The following POLR1A variants were observed in gnomAD, a reference collection of about 807,000 sequenced individuals.
POLR1A encodes RNA polymerase I subunit A, also known as DNA-directed RNA polymerase I subunit RPA1.
In POLR1A, 84 loss-of-function variants were observed where a neutral mutation model predicts 205.3. That is an observed-to-expected ratio of 0.41 (90% CI 0.34 to 0.49). POLR1A has a LOEUF of 0.49. Ranked by LOEUF, POLR1A falls within the 20% of genes least tolerant of loss-of-function variation. The pLI is 0.22. For synonymous variants in POLR1A, 799 were observed against 863.7 expected, an observed-to-expected ratio of 0.93 and a Z score of 1.31; for missense variants, 1,645 against 2,204.5, an observed-to-expected ratio of 0.75 and a Z score of 5.08.
At chr2:86,071,004 C>A (rs1673168379) in intron 12 of POLR1A, among the ~76,000 whole-genome samples, 2 of 151,826 alleles carry the variant, frequency 1.3e-5, no homozygotes. Flanking sequence ...TTTACAGCGG[C>A]AAAAACTAGA....
At chr2:86,080,442 C>T (rs1673378596) in intron 9 of POLR1A, among the ~76,000 whole-genome samples, 1 of 152,170 alleles carries the variant, frequency 6.6e-6, no homozygotes, top group Admixed American at 6.5e-5. Flanking sequence ...CTCTTAAAGC[C>T]TGAGGGAAGT....
chr2:86,084,365 C>T (rs1420843874), intron 6 of POLR1A, among the ~76,000 whole-genome samples: 2 of 151,064 alleles, frequency 1.3e-5, no homozygotes, highest in South Asian at 2.1e-4. Flanking sequence ...TGTAGGGAGC[C>T]GAGATCGTAT....
intron 18 of POLR1A, 36 bp from the exon 19 acceptor site, chr2:86,047,299 A>C (rs753652290): frequency 4.3e-6 from 6 of 1,407,656 alleles, no homozygotes; most frequent in Non-Finnish European, 6.0e-6. Flanking sequence ...CAGTGACTTC[A>C]CCTTCTTTAA....
intron 26 of POLR1A, 110 bp downstream of exon 26, chr2:86,039,217 G>A: frequency 1.7e-6 from 2 of 1,202,292 alleles, no homozygotes; most frequent in South Asian, 2.8e-5. Flanking sequence ...CTCATTGGTG[G>A]GAATCTGAGC....
At chr2:86,076,732 T>C (rs1245813219) in intron 11 of POLR1A, among the ~76,000 whole-genome samples, 11 of 152,102 alleles carry the variant, frequency 7.2e-5, no homozygotes, top group Non-Finnish European at 1.2e-4. Flanking sequence ...ACCTAGAAGA[T>C]AGAAAAGGCA....
Position 86,027,916 on chromosome 2 carries a change from G to A in POLR1A, c.5031C>T (p.Ser1677=). Residue 1677 remains serine (S), a synonymous_variant, in exon 33 of 34, where the codon AGC becomes AGT. Coordinates refer to ENST00000263857, the MANE Select transcript of POLR1A (RefSeq NM_015425.6). ...TGGTGGCTTGCTTCAGAAACTGGAA[G>A]CTGGTTTCAAATGTCATCTGCTGTA... ...SPLQQMTFET[S]FQFLKQATML... The A allele has an allele frequency of 6.2e-7, 1 of 1,614,258 alleles. No homozygotes were observed. Among genetic ancestry groups the A allele is most frequent in the Non-Finnish European group, 8.5e-7 (1 of 1,180,052 alleles).
At chr2:86,035,823 T>C (rs1672483976) in intron 27 of POLR1A, among the ~76,000 whole-genome samples, 1 of 152,218 alleles carries the variant, frequency 6.6e-6, no homozygotes, top group Admixed American at 6.5e-5. Flanking sequence ...CAGTTGGGGA[T>C]GCCTTCTGCC....
chr2:86,068,396 G>C lies in POLR1A; in HGVS notation c.1866+1622C>G, dbSNP rs1055985633. Among the ~76,000 whole-genome samples the C allele has an allele frequency of 2.4e-4, 27 of 112,792 alleles. 9 individuals carry two copies. The highest frequency in any genetic ancestry group is 1.4e-3 in the Admixed American group (16 of 11,810). 74.0% of individuals were successfully genotyped at this position (112,792 alleles called of 152,430 possible). On this transcript the variant is annotated intron_variant, in intron 13 of 33. Coordinates refer to ENST00000263857, the MANE Select transcript of POLR1A (RefSeq NM_015425.6). ...AGCCAAGCACATGGGCGGGGGGGGG[G>C]GGCGGGTGTCGTCCAAAGCTGCTGG...
intron 29 of POLR1A, among the ~76,000 whole-genome samples, chr2:86,031,887 G>GT (rs1411038425): frequency 2.0e-5 from 3 of 152,192 alleles, no homozygotes; most frequent in Non-Finnish European, 4.4e-5. Flanking sequence ...CCTCACTGGT[G>GT]TACCTGCTCA....
chr2:86,025,934 G>A lies in POLR1A; in HGVS notation c.*1489C>T, dbSNP rs1345922010. 6.6e-6 allele frequency: 1 copy of A among 152,232 alleles called. No homozygotes were observed. The highest frequency in any genetic ancestry group is 2.4e-5 in the African/African-American group (1 of 41,430). 9.4% of individuals were successfully genotyped at this position (152,232 alleles called of 1,614,324 possible). ...TGATTTCTGTCAGGCTTTCCCCAGT[G>A]TAGGCCTAGGAGGTGCAGGCTGGGT... is the stretch of plus-strand genomic sequence containing the variant. On this transcript the variant is annotated 3_prime_UTR_variant, in exon 34 of 34. Transcript: ENST00000263857.
chr2:86,054,428 G>C (rs1672859936), intron 14 of POLR1A, 139 bp from the exon 15 acceptor site: 2 of 759,812 alleles, frequency 2.6e-6, no homozygotes, highest in South Asian at 1.8e-5. Context: ...GATGATCTCA[G>C]GTATGGCAAG....
rs1024992459 is a variant in POLR1A at position 86,022,850 on chromosome 2, G to C, written c.*4573C>G. 1 of 152,212 alleles carries C rather than the reference G, an allele frequency of 6.6e-6. No homozygotes were observed. The highest frequency in any genetic ancestry group is 2.4e-5 in the African/African-American group (1 of 41,512). The allele number at this position is 152,212 out of a possible 1,614,324, so 9.4% of individuals were successfully genotyped here. On this transcript the variant is annotated 3_prime_UTR_variant, in exon 34 of 34. Transcript: ENST00000263857. ...CTGCCTGAGTCTCTTAAAGTGCTGGGACTGTAAGCGTGAGCCACTGTGCCC... is the reference window on the plus strand; with the variant it reads ...CTGCCTGAGTCTCTTAAAGTGCTGGCACTGTAAGCGTGAGCCACTGTGCCC...
intron 26 of POLR1A, 22 bp from the exon 27 acceptor site, chr2:86,038,879 GAACTT>G: frequency 1.2e-6 from 2 of 1,613,118 alleles, no homozygotes; most frequent in Non-Finnish European, 8.5e-7. Context: ...CGGACAGAGA[GAACTT>G]GACTTGTTCA....
At chr2:86,045,843 A>C (rs1414820210) in intron 19 of POLR1A, 74 bp from the exon 20 acceptor site, 1 of 1,330,200 alleles carries the variant, frequency 7.5e-7, no homozygotes, top group East Asian at 2.5e-5. Flanking sequence ...CAGCAGGGAA[A>C]GTATAATCTG....
At chr2:86,030,793 TAA>T (rs1166243212) in intron 30 of POLR1A, among the ~76,000 whole-genome samples, 1 of 152,160 alleles carries the variant, frequency 6.6e-6, no homozygotes, top group African/African-American at 2.4e-5. Context: ...AGACAAAGCG[TAA>T]GTGTGTGCAC....
At position 86,048,802 on chromosome 2, in the gene POLR1A, C is replaced by T. The variant is rs117469220; in HGVS notation, c.2634+82G>A. 9.6e-4 allele frequency: 1,242 copies of T among 1,292,822 alleles called. 16 individuals carry two copies. The East Asian group carries it at 0.025, about 26-fold the overall frequency. The allele number at this position is 1,292,822 out of a possible 1,614,324, so 80.1% of individuals were successfully genotyped here. On this transcript the variant is annotated intron_variant, in intron 18 of 33. Transcript: ENST00000263857. The stretch of plus-strand genomic sequence containing the variant: ...TCAACAGCCAAGGTGCTCTGTAGGG[C>T]CCAGGTGAGAATCAAAATGTAATTT...
At chr2:86,060,146 A>C (rs1200702809) in intron 14 of POLR1A, among the ~76,000 whole-genome samples, 4 of 152,242 alleles carry the variant, frequency 2.6e-5, no homozygotes, top group Non-Finnish European at 5.9e-5. Context: ...TCTAATGAAA[A>C]GATGTATAAG....
chr2:86,044,693 G>A (rs910975870), intron 21 of POLR1A, among the ~76,000 whole-genome samples: 1 of 152,220 alleles, frequency 6.6e-6, no homozygotes, highest in African/African-American at 2.4e-5. Flanking sequence ...GAGCTGTCAA[G>A]GATTCTCAAA....
chr2:86,032,452 C>T, intron 28 of POLR1A, 70 bp from the exon 29 acceptor site: 1 of 1,083,862 alleles, frequency 9.2e-7, no homozygotes, highest in East Asian at 2.4e-5. Context: ...CATCCATCCA[C>T]CCACCAACCC....
Sources: allele counts gnomAD v4.1 joint callset (sites outside exome capture counted in the v4.1 genomes callset), GRCh38; gene constraint gnomAD v4.1.1; transcripts MANE v1.5; gene names NCBI Gene and HGNC (gene_info 2026-07-23, HGNC 2026-07-21).